ADAMTS19: variants seen among roughly 807,000 people sequenced by gnomAD.
ADAMTS19 encodes the protein A disintegrin and metalloproteinase with thrombospondin motifs 19.
Under a neutral mutation model 153.3 loss-of-function variants are expected in ADAMTS19, and 93 were observed. The observed-to-expected ratio is 0.61, with a 90% CI of 0.51 to 0.72. The LOEUF (loss-of-function observed/expected upper bound fraction) is 0.72. Ranked by LOEUF, ADAMTS19 falls within the 30% of genes least tolerant of loss-of-function variation. The probability of loss-of-function intolerance (pLI) is 0.00; values close to 1 mark genes in which losing one functional copy is unlikely to be tolerated. For missense variants in ADAMTS19, 1,482 were observed against 1,552.1 expected (o/e 0.95, Z 0.76); for synonymous variants, 600 against 556.6 (o/e 1.08, Z -1.10).
chr5:129,477,045 T>C (rs916645508), intron 2 of ADAMTS19, among the ~76,000 whole-genome samples: 2 of 152,172 alleles, frequency 1.3e-5, no homozygotes, highest in Admixed American at 1.3e-4. Context: ...AATAATAATA[T>C]ATATAGATAT....
intron 7 of ADAMTS19, among the ~76,000 whole-genome samples, chr5:129,553,933 G>A (rs1440018888): frequency 6.6e-6 from 1 of 152,040 alleles, no homozygotes; most frequent in African/African-American, 2.4e-5. Context: ...TCAACCACTT[G>A]TGGTTCAAAA....
chr5:129,732,692 T>C (rs574852745), intron 21 of ADAMTS19, among the ~76,000 whole-genome samples: 1 of 152,202 alleles, frequency 6.6e-6, no homozygotes, highest in East Asian at 1.9e-4. Flanking sequence ...GAACATCCCA[T>C]GCTCATATAT....
At chr5:129,596,702 T>A (rs770093637) in intron 8 of ADAMTS19, 38 bp downstream of exon 8, 1 of 1,417,500 alleles carries the variant, frequency 7.1e-7, no homozygotes, top group Non-Finnish European at 9.7e-7. Flanking sequence ...TATGTTAGCA[T>A]ATAACTTTGT....
chr5:129,551,800 C>A, intron 6 of ADAMTS19, 64 bp from the exon 7 acceptor site: 1 of 974,228 alleles, frequency 1.0e-6, no homozygotes, highest in South Asian at 1.6e-5. Flanking sequence ...AAAAATGAGT[C>A]ACTTGATGTC....
chr5:129,672,731 A>G (rs186022749), intron 16 of ADAMTS19, among the ~76,000 whole-genome samples: 3 of 152,176 alleles, frequency 2.0e-5, no homozygotes, highest in Non-Finnish European at 4.4e-5. Context: ...TGCAGCACCA[A>G]TTTACCTTAA....
intron 21 of ADAMTS19, among the ~76,000 whole-genome samples, chr5:129,705,127 T>A (rs1756083046): frequency 7.5e-6 from 1 of 132,842 alleles, no homozygotes; most frequent in Non-Finnish European, 1.7e-5. Flanking sequence ...TTATCCCACT[T>A]TCAGCTGTGA....
intron 3 of ADAMTS19, among the ~76,000 whole-genome samples, chr5:129,519,981 A>C (rs1013855336): frequency 6.6e-6 from 1 of 152,156 alleles, no homozygotes; most frequent in Non-Finnish European, 1.5e-5. Context: ...CCTGGAGATC[A>C]AAGTTAAAAT....
rs562818520 is a variant in ADAMTS19 at position 129,528,660 on chromosome 5, A to T, written c.1311A>T (p.Ala437=). ...GGGAAGACATGACTTCAGTGGATGCAGCTATACTTATAACAAGGTAAATTT... is the reference window on the plus strand; with the variant it reads ...GGGAAGACATGACTTCAGTGGATGCTGCTATACTTATAACAAGGTAAATTT... ...NWGEDMTSVD[A]AILITRKDFC... Residue 437 remains alanine, a synonymous_variant, in exon 6 of 23, where the codon GCA becomes GCT. Coordinates refer to ENST00000274487, the MANE Select transcript of ADAMTS19 (RefSeq NM_133638.6). The T allele has an allele frequency of 6.3e-7, 1 of 1,596,142 alleles. No homozygotes were observed. The highest frequency in any genetic ancestry group is 1.1e-5 in the South Asian group (1 of 88,094).
chr5:129,703,547 A>T (rs558398535), intron 20 of ADAMTS19, among the ~76,000 whole-genome samples: 1 of 152,260 alleles, frequency 6.6e-6, no homozygotes, highest in South Asian at 2.1e-4. Flanking sequence ...AGCCCAGCCA[A>T]CATGGCAAAT....
chr5:129,561,535 CA>C (rs147456879), intron 7 of ADAMTS19, among the ~76,000 whole-genome samples: 2,079 of 75,042 alleles, frequency 0.028, 21 homozygotes, highest in Middle Eastern at 0.073. Flanking sequence ...GACTCCGTCT[CA>C]AAAAAAAAAA....
At chr5:129,667,767 A>T (rs776649086) in intron 16 of ADAMTS19, among the ~76,000 whole-genome samples, 4 of 152,120 alleles carry the variant, frequency 2.6e-5, no homozygotes, top group Non-Finnish European at 5.9e-5. Context: ...TATTTTCTTT[A>T]TAAACTACCC....
chr5:129,522,330 C>CATATATATAT (rs1205280756), intron 3 of ADAMTS19, among the ~76,000 whole-genome samples: 67 of 70,920 alleles, frequency 9.4e-4, no homozygotes, highest in African/African-American at 3.0e-3. Flanking sequence ...CACACACACA[C>CATATATATAT]ACATATATAT....
intron 7 of ADAMTS19, among the ~76,000 whole-genome samples, chr5:129,554,221 A>G (rs1753235389): frequency 6.6e-6 from 1 of 152,130 alleles, no homozygotes; most frequent in Non-Finnish European, 1.5e-5. Flanking sequence ...GTATATTTAT[A>G]AGATTTATAA....
At chr5:129,637,982 G>A (rs1009585243) in intron 10 of ADAMTS19, among the ~76,000 whole-genome samples, 1 of 152,086 alleles carries the variant, frequency 6.6e-6, no homozygotes, top group African/African-American at 2.4e-5. Flanking sequence ...GAGGGTGGGA[G>A]GAGGGAAAGG....
intron 6 of ADAMTS19, among the ~76,000 whole-genome samples, chr5:129,533,885 T>A (rs1040495076): frequency 6.6e-6 from 1 of 152,182 alleles, no homozygotes; most frequent in East Asian, 1.9e-4. Flanking sequence ...GTTGTTCAGT[T>A]TCCATGTAGT....
At chr5:129,596,944 T>C (rs1750408656) in intron 8 of ADAMTS19, among the ~76,000 whole-genome samples, 1 of 152,196 alleles carries the variant, frequency 6.6e-6, no homozygotes, top group South Asian at 2.1e-4. Flanking sequence ...TTGTAAATGA[T>C]ACAAATATTT....
chr5:129,528,604 G>C lies in ADAMTS19; in HGVS notation c.1255G>C (p.Asp419His). Residue 419 changes from aspartate to histidine, a missense_variant, in exon 6 of 23, where the codon GAT becomes CAT. By Grantham distance (81) the Asp-to-His change is moderately conservative (BLOSUM62 -1). Coordinates refer to ENST00000274487, the MANE Select transcript of ADAMTS19 (RefSeq NM_133638.6). Reference sequence around the variant, plus strand: ...ACATGAAGAATTTGGCAAAAAGAATGATATACATTTAGAGATGTCAACAAA... The same window carrying C: ...ACATGAAGAATTTGGCAAAAAGAATCATATACATTTAGAGATGTCAACAAA... ...WQHEEFGKKN[D>H]IHLEMSTNWG... The C allele has an allele frequency of 1.2e-6, 2 of 1,608,582 alleles. No homozygotes were observed. Among genetic ancestry groups the C allele is most frequent in the Non-Finnish European group, 1.7e-6 (2 of 1,177,684 alleles).
chr5:129,588,110 C>T (rs926121752), intron 7 of ADAMTS19, among the ~76,000 whole-genome samples: 4 of 152,136 alleles, frequency 2.6e-5, no homozygotes, highest in African/African-American at 4.8e-5. Context: ...CTGTGTACCA[C>T]TGGCTTTGTT....
intron 6 of ADAMTS19, among the ~76,000 whole-genome samples, chr5:129,549,835 TA>T (rs1232474024): frequency 1.5e-5 from 2 of 131,872 alleles, no homozygotes; most frequent in Admixed American, 7.9e-5. Flanking sequence ...TATATGTATA[TA>T]TGTATCTATA....
Sources: gnomAD v4.1 joint callset for allele counts (sites outside exome capture counted in the v4.1 genomes callset) on GRCh38, gnomAD v4.1.1 for gene constraint, MANE v1.5 for transcripts, NCBI Gene and HGNC (gene_info 2026-07-23, HGNC 2026-07-21) for gene names.